Variants in GNA12 observed in about 807,000 individuals in gnomAD.
The protein encoded by GNA12 is G protein subunit alpha 12, also known as guanine nucleotide-binding protein subunit alpha-12.
GNA12 carries 9 observed loss-of-function variants against 26.0 expected under a neutral mutation model. The observed-to-expected ratio is 0.35, with a 90% CI of 0.21 to 0.60. The LOEUF is 0.60. GNA12 is among the 20% of genes least tolerant of loss of function. The pLI is 0.78. For missense variants in GNA12, 405 were observed against 525.8 expected, an observed-to-expected ratio of 0.77 and a Z score of 2.25; for synonymous variants, 264 against 219.6, an observed-to-expected ratio of 1.20 and a Z score of -1.79.
chr7:2,760,667 C>G (rs1483320865), intron 2 of GNA12, among the ~76,000 whole-genome samples: 1 of 152,222 alleles, frequency 6.6e-6, no homozygotes, highest in Non-Finnish European at 1.5e-5. Flanking sequence ...TTAAACCTTC[C>G]CAACCTCCAC....
At chr7:2,752,877 G>A (rs939616564) in intron 2 of GNA12, among the ~76,000 whole-genome samples, 9 of 152,136 alleles carry the variant, frequency 5.9e-5, no homozygotes, top group Admixed American at 2.0e-4. Context: ...GGGAACTGAC[G>A]TTAGTACAAT....
At chr7:2,802,877 C>G (rs1045928761) in intron 1 of GNA12, among the ~76,000 whole-genome samples, 2 of 152,206 alleles carry the variant, frequency 1.3e-5, no homozygotes, top group African/African-American at 4.8e-5. Flanking sequence ...GAGAAACTGA[C>G]GAAGGGAGGC....
intron 2 of GNA12, among the ~76,000 whole-genome samples, chr7:2,754,732 G>C (rs1020904376): frequency 6.6e-6 from 1 of 152,186 alleles, no homozygotes; most frequent in Non-Finnish European, 1.5e-5. Flanking sequence ...CCGAGCAACA[G>C]AGTGAGACCC....
At chr7:2,826,787 C>T (rs572130373) in intron 1 of GNA12, among the ~76,000 whole-genome samples, 1 of 152,082 alleles carries the variant, frequency 6.6e-6, no homozygotes, top group East Asian at 1.9e-4. Context: ...TGAGGGGAGA[C>T]AGGGAAGGAG....
Position 2,814,923 on chromosome 7 carries a change from C to T in GNA12, c.310-19780G>A, listed in dbSNP as rs759038577. The T allele has an allele frequency of 6.4e-5, 102 of 1,592,818 alleles. No homozygotes were observed. The Middle Eastern group carries it at 9.9e-4, about 15-fold the overall frequency. On this transcript the variant is annotated intron_variant, in intron 1 of 3. Coordinates refer to ENST00000275364, the MANE Select transcript of GNA12 (RefSeq NM_007353.3). ...TAGGCACGGCCTGGGAAACATTCTC[C>T]GTTTCATTTCAAATGCCTACAATAC...
chr7:2,745,363 T>A (rs926372908), intron 2 of GNA12, among the ~76,000 whole-genome samples: 6 of 152,192 alleles, frequency 3.9e-5, no homozygotes, highest in African/African-American at 1.4e-4. Flanking sequence ...GGGGCCAATA[T>A]TCAACATTCT....
chr7:2,811,805 G>A (rs986334203), intron 1 of GNA12, among the ~76,000 whole-genome samples: 6 of 152,200 alleles, frequency 3.9e-5, no homozygotes, highest in African/African-American at 1.4e-4. Context: ...CCCTTCAGAG[G>A]GGTTCTGCTG....
At chr7:2,770,746 T>C (rs1791927699) in intron 2 of GNA12, among the ~76,000 whole-genome samples, 1 of 152,210 alleles carries the variant, frequency 6.6e-6, no homozygotes, top group South Asian at 2.1e-4. Context: ...GCAGAGCTAA[T>C]GGGATCCTGT....
chr7:2,803,284 TCA>T (rs1271340599), intron 1 of GNA12, among the ~76,000 whole-genome samples: 1 of 152,088 alleles, frequency 6.6e-6, no homozygotes, highest in East Asian at 1.9e-4. Context: ...GAGGCCTCGC[TCA>T]CAGACAGGCT....
At chr7:2,765,283 G>A (rs1471277411) in intron 2 of GNA12, among the ~76,000 whole-genome samples, 1 of 151,896 alleles carries the variant, frequency 6.6e-6, no homozygotes, top group Non-Finnish European at 1.5e-5. Flanking sequence ...GAGTAGCTGG[G>A]ACCACAGGCA....
At chr7:2,734,176 C>A (rs1308312683) in intron 2 of GNA12, among the ~76,000 whole-genome samples, 2 of 152,202 alleles carry the variant, frequency 1.3e-5, no homozygotes, top group South Asian at 4.1e-4. Flanking sequence ...CACCCAGGAC[C>A]CCGTTTCAGG....
intron 2 of GNA12, among the ~76,000 whole-genome samples, chr7:2,759,664 G>A (rs1212015224): frequency 1.3e-5 from 2 of 152,134 alleles, no homozygotes; most frequent in Non-Finnish European, 2.9e-5. Context: ...GCTGTTTCAC[G>A]CTGTGCCTAT....
intron 1 of GNA12, among the ~76,000 whole-genome samples, chr7:2,807,552 G>C (rs1001457978): frequency 1.6e-4 from 24 of 149,662 alleles, no homozygotes; most frequent in African/African-American, 5.9e-4. Context: ...AAATCTCTTT[G>C]AATTAATGAG....
chr7:2,799,785 G>A (rs1054231552), intron 1 of GNA12, among the ~76,000 whole-genome samples: 8 of 152,190 alleles, frequency 5.3e-5, no homozygotes, highest in Non-Finnish European at 1.0e-4. Flanking sequence ...CCAGCCATCA[G>A]GAAAAAGCAG....
chr7:2,795,467 C>G (rs1465342885), intron 1 of GNA12, among the ~76,000 whole-genome samples: 3 of 151,610 alleles, frequency 2.0e-5, no homozygotes, highest in Admixed American at 2.0e-4. Context: ...CCTGCTTCTA[C>G]AAAAAATTAA....
Position 2,730,559 on chromosome 7 carries a change from G to A in GNA12, c.*622C>T, listed in dbSNP as rs1234093094. 1 of 152,536 alleles carries A rather than the reference G, an allele frequency of 6.6e-6. No homozygotes were observed. Among genetic ancestry groups the A allele is most frequent in the African/African-American group, 2.4e-5 (1 of 41,442 alleles). The allele number at this position is 152,536 out of a possible 1,614,324, so 9.4% of individuals were successfully genotyped here. Reference sequence around the variant, plus strand: ...CACGGCTCCTCAGCTTCATCTGAGAGGCTTGGACTAGGGGCTCTTAGGAAA... The same window carrying A: ...CACGGCTCCTCAGCTTCATCTGAGAAGCTTGGACTAGGGGCTCTTAGGAAA... On this transcript the variant is annotated 3_prime_UTR_variant, in exon 4 of 4. Transcript: ENST00000275364.
At chr7:2,802,950 A>G (rs576955877) in intron 1 of GNA12, among the ~76,000 whole-genome samples, 2 of 152,312 alleles carry the variant, frequency 1.3e-5, no homozygotes, top group East Asian at 1.9e-4. Context: ...TGGCCCCACC[A>G]TAACTCCGCG....
chr7:2,822,184 C>A (rs2114963803), intron 1 of GNA12, among the ~76,000 whole-genome samples: 1 of 152,336 alleles, frequency 6.6e-6, no homozygotes, highest in Non-Finnish European at 1.5e-5. Context: ...TCTGAAGCTT[C>A]TGTGGGAAGC....
intron 2 of GNA12, among the ~76,000 whole-genome samples, chr7:2,783,702 T>TTTATTTATTTA (rs1562426080): frequency 1.3e-4 from 13 of 101,240 alleles, no homozygotes; most frequent in Non-Finnish European, 1.8e-4. Flanking sequence ...TTATTTATTT[T>TTTATTTATTTA]GAGATGTAGT....
Sources: gnomAD v4.1 joint callset for allele counts (sites outside exome capture counted in the v4.1 genomes callset) on GRCh38, gnomAD v4.1.1 for gene constraint, MANE v1.5 for transcripts, NCBI Gene and HGNC (gene_info 2026-07-23, HGNC 2026-07-21) for gene names.